SV2C: variants seen among roughly 807,000 people sequenced by gnomAD.
SV2C encodes the protein solute carrier family 22 member B3.
Under a neutral mutation model 79.7 loss-of-function variants are expected in SV2C, and 49 were observed. The observed-to-expected ratio is 0.61, with a 90% CI of 0.49 to 0.78. The LOEUF (loss-of-function observed/expected upper bound fraction) is 0.78, where lower values mean the gene tolerates loss of function less well. Among genes scored for constraint, SV2C ranks in the 30% least tolerant of loss-of-function variants. The pLI is 0.00. For synonymous variants in SV2C, 334 were observed against 333.2 expected (o/e 1.00, Z -0.03); for missense variants, 833 against 912.9 (o/e 0.91, Z 1.13).
chr5:76,166,517 T>G (rs929773956), intron 2 of SV2C, among the ~76,000 whole-genome samples: 1 of 152,216 alleles, frequency 6.6e-6, no homozygotes, highest in Non-Finnish European at 1.5e-5. Context: ...CCCACAAATA[T>G]CTAGGAGCTA....
intron 4 of SV2C, among the ~76,000 whole-genome samples, chr5:76,252,014 A>G (rs941765770): frequency 1.3e-5 from 2 of 152,214 alleles, no homozygotes; most frequent in Non-Finnish European, 1.5e-5. Flanking sequence ...AGATGACAAA[A>G]CTGAGGTTCG....
chr5:75,915,482 A>T, the SV2C span, among the ~76,000 whole-genome samples: 1 of 152,212 alleles, frequency 6.6e-6, no homozygotes, highest in African/African-American at 2.4e-5. Context: ...AGAAACCTGG[A>T]TTATACTTCA....
At chr5:75,950,732 G>A in the SV2C span, among the ~76,000 whole-genome samples, 17 of 152,074 alleles carry the variant, frequency 1.1e-4, no homozygotes, top group East Asian at 1.7e-3. Flanking sequence ...ATATTTTACT[G>A]TTAAATGTGG....
intron 4 of SV2C, among the ~76,000 whole-genome samples, chr5:76,276,638 C>CTTTTTT (rs1188116727): frequency 7.3e-6 from 1 of 137,586 alleles, no homozygotes; most frequent in Non-Finnish European, 1.6e-5. Flanking sequence ...TTTTCTTTTT[C>CTTTTTT]TTTTTTTTTT....
At chr5:75,952,167 C>T in the SV2C span, among the ~76,000 whole-genome samples, 1 of 151,898 alleles carries the variant, frequency 6.6e-6, no homozygotes. Flanking sequence ...AATGAAACAA[C>T]CCTGATCAAA....
chr5:76,233,608 T>C (rs11955123), intron 4 of SV2C, among the ~76,000 whole-genome samples: 11,295 of 139,930 alleles, frequency 0.081, 1,461 homozygotes, highest in African/African-American at 0.3. Flanking sequence ...TTTTGAAATA[T>C]GTCCCATCAA....
chr5:75,944,464 C>T, the SV2C span, among the ~76,000 whole-genome samples: 63 of 152,214 alleles, frequency 4.1e-4, no homozygotes, highest in Non-Finnish European at 8.2e-4. Context: ...ATGGAGTATA[C>T]AGACTACAGC....
chr5:75,867,028 A>C, the SV2C span, among the ~76,000 whole-genome samples: 1 of 152,178 alleles, frequency 6.6e-6, no homozygotes, highest in Non-Finnish European at 1.5e-5. Flanking sequence ...TCTCTGTGTC[A>C]ATGCAGGGCA....
At chr5:76,099,430 T>C (rs1252114352) in intron 1 of SV2C, among the ~76,000 whole-genome samples, 1 of 151,588 alleles carries the variant, frequency 6.6e-6, no homozygotes, top group African/African-American at 2.4e-5. Context: ...TAGTGATGAG[T>C]TGTAACATCT....
chr5:75,933,479 T>C, the SV2C span, among the ~76,000 whole-genome samples: 1 of 152,314 alleles, frequency 6.6e-6, no homozygotes, highest in South Asian at 2.1e-4. Context: ...ACTGAATTTC[T>C]CCCCTTCCTA....
At chr5:76,152,540 A>G (rs1215815596) in intron 2 of SV2C, among the ~76,000 whole-genome samples, 2 of 152,236 alleles carry the variant, frequency 1.3e-5, no homozygotes, top group Non-Finnish European at 2.9e-5. Flanking sequence ...TGTCAGTTAC[A>G]AGTACCTCTG....
upstream of SV2C, chr5:76,081,812 G>T (rs371537351): frequency 2.6e-5 from 4 of 152,258 alleles, no homozygotes; most frequent in East Asian, 3.8e-4. Flanking sequence ...CTGCATAGTG[G>T]CACAAATCGA....
chr5:76,007,917 G>A, the SV2C span, among the ~76,000 whole-genome samples: 1 of 152,084 alleles, frequency 6.6e-6, no homozygotes, highest in Non-Finnish European at 1.5e-5. Flanking sequence ...ATTCTGTTAG[G>A]ATTTGACTGC....
At chr5:76,124,516 A>G (rs189675425) in intron 1 of SV2C, among the ~76,000 whole-genome samples, 22 of 152,284 alleles carry the variant, frequency 1.4e-4, no homozygotes, top group Admixed American at 3.9e-4. Flanking sequence ...TCATTGGTCA[A>G]TGGGCCAATG....
intron 1 of SV2C, among the ~76,000 whole-genome samples, chr5:76,120,222 G>A (rs903105250): frequency 6.6e-6 from 1 of 151,096 alleles, no homozygotes; most frequent in African/African-American, 2.4e-5. Context: ...ATATCATGTA[G>A]CATCTCACAA....
intron 12 of SV2C, among the ~76,000 whole-genome samples, chr5:76,339,550 T>TA (rs1202532426): frequency 1.3e-5 from 2 of 151,976 alleles, no homozygotes; most frequent in East Asian, 3.9e-4. Flanking sequence ...CTGTCTCTAC[T>TA]AAAAATACAA....
chr5:76,197,706 G>GAAGATAGATAGATAGATAGATAGATAGA (rs1561260450), intron 3 of SV2C, among the ~76,000 whole-genome samples: 1 of 3,130 alleles, frequency 3.2e-4, no homozygotes, highest in African/African-American at 2.1e-3. Flanking sequence ...AGATAGACAG[G>GAAGATAGATAGATAGATAGATAGATAGA]CAGATAGATA....
At chr5:76,036,600 C>G in the SV2C span, among the ~76,000 whole-genome samples, 66 of 152,368 alleles carry the variant, frequency 4.3e-4, no homozygotes, top group African/African-American at 1.5e-3. Flanking sequence ...TGTAGAATTT[C>G]TGCCGAGAGA....
intron 9 of SV2C, among the ~76,000 whole-genome samples, chr5:76,296,839 A>G (rs187735958): frequency 6.6e-6 from 1 of 152,346 alleles, no homozygotes; most frequent in African/African-American, 2.4e-5. Context: ...AATTCAATGA[A>G]GGAACTAATC....
Sources: allele counts gnomAD v4.1 joint callset (sites outside exome capture counted in the v4.1 genomes callset), GRCh38; gene constraint gnomAD v4.1.1; transcripts MANE v1.5; gene names NCBI Gene and HGNC (gene_info 2026-07-23, HGNC 2026-07-21).